TSPAN4: variants seen among roughly 807,000 people sequenced by gnomAD.
TSPAN4 encodes the protein tetraspanin-4.
A neutral mutation model predicts 31.5 loss-of-function variants in TSPAN4; 38 were observed. The ratio of observed to expected loss-of-function variants is 1.21; its 90% CI spans 0.93 to 1.58. The LOEUF is 1.58. Ranked by LOEUF, TSPAN4 falls within the 40% of genes most tolerant of loss-of-function variation. TSPAN4 has a pLI of 0.00. For missense variants in TSPAN4, 330 were observed against 317.3 expected (o/e 1.04, Z -0.30); for synonymous variants, 186 against 144.6 (o/e 1.29, Z -2.06).
chr11:858,195 C>T (rs900646292), intron 3 of TSPAN4: 1 of 152,520 alleles, frequency 6.6e-6, no homozygotes, highest in East Asian at 1.9e-4. Context: ...TCCTGTGCTC[C>T]AGAATGTTAC....
At position 865,824 on chromosome 11, in the gene TSPAN4, C is replaced by A; in HGVS notation, c.563C>A (p.Ala188Glu). 1 of 1,612,058 alleles carries A rather than the reference C, an allele frequency of 6.2e-7. No individual in the cohort carries two copies. Residue 188 changes from alanine to glutamate, a missense_variant and splice_region_variant, in exon 7 of 9, where the codon GCG (alanine) becomes GAG (glutamate). Physicochemically the swap from Ala to Glu is moderately radical, Grantham distance 107 (BLOSUM62 -1). Transcript: ENST00000397397. ...CACGCCCCCGGCACCTGGTGGAAGG[C>A]GGTGAGTGAGACCCCCACCCTGGGG... ...GLHAPGTWWK[A>E]PCYETVKVWL...
chr11:845,478 CAT>C (rs1453280478), intron 1 of TSPAN4, among the ~76,000 whole-genome samples: 1 of 152,162 alleles, frequency 6.6e-6, no homozygotes, highest in Non-Finnish European at 1.5e-5. Flanking sequence ...CCTCACCACT[CAT>C]ATGTCGGGGC....
chr11:845,538 T>G (rs1345017738), intron 1 of TSPAN4, among the ~76,000 whole-genome samples: 8 of 152,084 alleles, frequency 5.3e-5, no homozygotes, highest in African/African-American at 1.9e-4. Context: ...TGCCCAGGCC[T>G]GATGTGCCCC....
intron 3 of TSPAN4, among the ~76,000 whole-genome samples, chr11:855,318 T>C (rs28439945): frequency 0.71 from 108,137 of 152,184 alleles, 38,876 homozygotes; most frequent in Admixed American, 0.79. Flanking sequence ...GACCTGGGCT[T>C]CCAGCCGCGC....
At chr11:851,871 C>T (rs1160546418) in intron 3 of TSPAN4, among the ~76,000 whole-genome samples, 2 of 152,078 alleles carry the variant, frequency 1.3e-5, no homozygotes, top group African/African-American at 2.4e-5. Flanking sequence ...TCTCCACCCT[C>T]CTCCTGTCCT....
intron 3 of TSPAN4, among the ~76,000 whole-genome samples, chr11:853,947 C>T (rs573798649): frequency 1.0e-3 from 152 of 152,266 alleles, no homozygotes; most frequent in Admixed American, 3.6e-3. Context: ...AGGCAGGTGC[C>T]GACACAGACA....
chr11:859,992 G>C (rs761657783), intron 3 of TSPAN4, among the ~76,000 whole-genome samples: 2 of 152,204 alleles, frequency 1.3e-5, no homozygotes, highest in African/African-American at 4.8e-5. Context: ...TCCCCTGTGC[G>C]CTGTGCCTGG....
chr11:850,576 C>T (rs1847624903), intron 3 of TSPAN4, among the ~76,000 whole-genome samples: 1 of 152,228 alleles, frequency 6.6e-6, no homozygotes, highest in South Asian at 2.1e-4. Flanking sequence ...GGGTCCGCCC[C>T]CTGCACTCAG....
chr11:859,035 C>T (rs138555504), intron 3 of TSPAN4, among the ~76,000 whole-genome samples: 1,960 of 132,432 alleles, frequency 0.015, 31 homozygotes, highest in Non-Finnish European at 0.02. Flanking sequence ...CCAGCTCTCA[C>T]GCACCCCCGG....
chr11:858,702 A>G (rs1848208776), intron 3 of TSPAN4: 1 of 146,234 alleles, frequency 6.8e-6, no homozygotes, highest in Non-Finnish European at 1.4e-5. Context: ...CTCCGCTCAC[A>G]TGCACCCCGG....
chr11:860,731 G>T (rs1388917117), intron 3 of TSPAN4, among the ~76,000 whole-genome samples: 1 of 152,160 alleles, frequency 6.6e-6, no homozygotes, highest in African/African-American at 2.4e-5. Flanking sequence ...TAGTCCCCCG[G>T]GAACCCCCAG....
chr11:844,943 G>A (rs1169762729), intron 1 of TSPAN4, among the ~76,000 whole-genome samples: 2 of 152,162 alleles, frequency 1.3e-5, no homozygotes, highest in Admixed American at 6.5e-5. Context: ...GGCCAGCCAC[G>A]GGACCAGGAG....
At chr11:862,357 A>G (rs1848503366) in intron 3 of TSPAN4, 193 bp from the exon 4 acceptor site, 1 of 567,322 alleles carries the variant, frequency 1.8e-6, no homozygotes, top group Non-Finnish European at 3.1e-6. Context: ...GTGCCAGCCC[A>G]GGGTGTCGGG....
intron 4 of TSPAN4, chr11:863,373 A>G (rs912067230): frequency 9.8e-5 from 15 of 152,374 alleles, no homozygotes; most frequent in Middle Eastern, 6.8e-3. Context: ...CTGAGGTCCT[A>G]AATCACGAGG....
chr11:856,124 G>A (rs978753135), intron 3 of TSPAN4, among the ~76,000 whole-genome samples: 2 of 152,122 alleles, frequency 1.3e-5, no homozygotes, highest in African/African-American at 4.8e-5. Flanking sequence ...GGGCAGAGCA[G>A]AGAATGCATG....
At chr11:850,773 C>T (rs1464749717) in intron 3 of TSPAN4, among the ~76,000 whole-genome samples, 1 of 152,362 alleles carries the variant, frequency 6.6e-6, no homozygotes, top group Middle Eastern at 3.4e-3. Context: ...TGCGCCCGCT[C>T]CCTCCTCGGT....
intron 5 of TSPAN4, chr11:865,143 C>T: frequency 4.5e-6 from 1 of 223,486 alleles, no homozygotes; most frequent in South Asian, 8.6e-5. Flanking sequence ...TGCTCTGGGT[C>T]CTCACTGAAT....
At chr11:859,848 G>A (rs1473260447) in intron 3 of TSPAN4, 3 of 152,210 alleles carry the variant, frequency 2.0e-5, no homozygotes, top group Non-Finnish European at 4.4e-5. Flanking sequence ...CTGTGCCCAG[G>A]TCTCCTATTG....
chr11:860,000 T>G (rs986693507), intron 3 of TSPAN4, among the ~76,000 whole-genome samples: 4 of 152,214 alleles, frequency 2.6e-5, no homozygotes, highest in Non-Finnish European at 5.9e-5. Flanking sequence ...GCGCTGTGCC[T>G]GGCCTGCTGG....
Sources: gnomAD v4.1 joint callset for allele counts (sites outside exome capture counted in the v4.1 genomes callset) on GRCh38, gnomAD v4.1.1 for gene constraint, MANE v1.5 for transcripts, NCBI Gene and HGNC (gene_info 2026-07-23, HGNC 2026-07-21) for gene names.